ADCY2: variants seen among roughly 807,000 people sequenced by gnomAD.
ADCY2 encodes the protein adenylate cyclase type 2.
ADCY2 carries 31 observed loss-of-function variants against 125.2 expected under a neutral mutation model. The observed-to-expected ratio is 0.25, with a 90% CI of 0.19 to 0.33. The LOEUF is 0.33. Ranked by LOEUF, ADCY2 falls within the 10% of genes least tolerant of loss-of-function variation. The probability of loss-of-function intolerance (pLI) is 1.00; values close to 1 mark genes in which losing one functional copy is unlikely to be tolerated. For synonymous variants in ADCY2, 512 were observed against 548.4 expected, an observed-to-expected ratio of 0.93 and a Z score of 0.93; for missense variants, 904 against 1,418.2, an observed-to-expected ratio of 0.64 and a Z score of 5.82.
At chr5:7,756,111 A>G (rs1050941310) in intron 15 of ADCY2, among the ~76,000 whole-genome samples, 1 of 152,202 alleles carries the variant, frequency 6.6e-6, no homozygotes, top group Non-Finnish European at 1.5e-5. Context: ...TCCCTGGAGG[A>G]CTTTTACTTC....
intron 3 of ADCY2, among the ~76,000 whole-genome samples, chr5:7,591,785 T>G (rs780228636): frequency 3.3e-5 from 5 of 152,176 alleles, no homozygotes; most frequent in African/African-American, 7.2e-5. Flanking sequence ...CATTGGATAT[T>G]ATGCCTCTGA....
intron 12 of ADCY2, among the ~76,000 whole-genome samples, chr5:7,721,249 A>AT (rs1447909323): frequency 3.3e-5 from 5 of 151,506 alleles, no homozygotes; most frequent in East Asian, 1.9e-4. Context: ...GGGTTGTTTG[A>AT]TTTTTTCTTG....
intron 2 of ADCY2, among the ~76,000 whole-genome samples, chr5:7,459,888 G>A (rs1446616379): frequency 4.3e-5 from 6 of 138,708 alleles, no homozygotes; most frequent in Admixed American, 2.4e-4. Flanking sequence ...CCGGGTTCAC[G>A]CTATTCTTCT....
At chr5:7,505,145 A>C (rs986628079) in intron 2 of ADCY2, among the ~76,000 whole-genome samples, 2 of 152,082 alleles carry the variant, frequency 1.3e-5, no homozygotes, top group African/African-American at 4.8e-5. Context: ...TGGCCTCCCA[A>C]AGTGCTAGGA....
At chr5:7,536,820 G>T (rs1469969208) in intron 3 of ADCY2, among the ~76,000 whole-genome samples, 1 of 150,290 alleles carries the variant, frequency 6.7e-6, no homozygotes, top group African/African-American at 2.5e-5. Context: ...ACCGGGGCTT[G>T]TCAGGGGGTG....
intron 4 of ADCY2, among the ~76,000 whole-genome samples, chr5:7,677,171 G>A (rs1162144202): frequency 4.6e-5 from 7 of 152,152 alleles, no homozygotes; most frequent in South Asian, 2.1e-4. Flanking sequence ...TCAGCTACTC[G>A]GGAGGCTGAG....
chr5:7,765,156 GT>G (rs1369209810), intron 16 of ADCY2, among the ~76,000 whole-genome samples: 1 of 152,078 alleles, frequency 6.6e-6, no homozygotes, highest in Non-Finnish European at 1.5e-5. Flanking sequence ...ATTTTACCTA[GT>G]TTTTTGCCTA....
At chr5:7,620,401 C>T (rs1352544155) in intron 3 of ADCY2, among the ~76,000 whole-genome samples, 3 of 152,126 alleles carry the variant, frequency 2.0e-5, no homozygotes, top group African/African-American at 4.8e-5. Context: ...TTATACCTTC[C>T]TGTCTCACTC....
At position 7,626,255 on chromosome 5, in the gene ADCY2, A is replaced by T; in HGVS notation, c.659A>T (p.Tyr220Phe). The change falls in exon 4 of 25, where the codon TAT becomes TTT. Residue 220 changes from tyrosine to phenylalanine, a missense_variant. By Grantham distance (22) the Tyr-to-Phe change is conservative. This residue lies in a region of ADCY2 where 117 missense variants were observed against 248.0 expected (regional missense o/e 0.47). Transcript: ENST00000338316. ...ATGGAACTCGCTCTTCAGCAAACAT[A>T]TCAGGACACCTGTAATTGCATCAAG... ...HLMELALQQT[Y>F]QDTCNCIKSR... 6.2e-7 allele frequency: 1 copy of T among 1,614,152 alleles called. No individual in the cohort carries two copies. The highest frequency in any genetic ancestry group is 1.1e-5 in the South Asian group (1 of 91,082).
At chr5:7,402,986 TACCC>T in intron 1 of ADCY2, among the ~76,000 whole-genome samples, 1 of 152,322 alleles carries the variant, frequency 6.6e-6, no homozygotes, top group South Asian at 2.1e-4. Flanking sequence ...TTATGATTTC[TACCC>T]ATTTATATCA....
chr5:7,454,561 A>G (rs1396294638), intron 2 of ADCY2, among the ~76,000 whole-genome samples: 2 of 152,174 alleles, frequency 1.3e-5, no homozygotes, highest in African/African-American at 4.8e-5. Flanking sequence ...TTCTTTTTTC[A>G]TATAATCTGG....
At chr5:7,474,344 G>A (rs1742443221) in intron 2 of ADCY2, among the ~76,000 whole-genome samples, 1 of 152,132 alleles carries the variant, frequency 6.6e-6, no homozygotes, top group Non-Finnish European at 1.5e-5. Context: ...AAACATATAA[G>A]AAAATAAAGC....
At chr5:7,805,988 A>G (rs1158175036) in intron 22 of ADCY2, among the ~76,000 whole-genome samples, 4 of 152,194 alleles carry the variant, frequency 2.6e-5, no homozygotes, top group African/African-American at 9.7e-5. Flanking sequence ...ACAAGCCATA[A>G]AAGAAACCCC....
intron 4 of ADCY2, among the ~76,000 whole-genome samples, chr5:7,675,240 C>T (rs562449396): frequency 6.6e-6 from 1 of 151,978 alleles, no homozygotes; most frequent in South Asian, 2.1e-4. Context: ...TCTACCCAAT[C>T]GTTTTAATAT....
rs546500262 is a variant in ADCY2 at position 7,640,667 on chromosome 5, A to AT, written c.720+14361dup. Among the ~76,000 whole-genome samples the AT allele has an allele frequency of 4.3e-3, 646 of 150,154 alleles. 3 individuals are homozygous for AT. Among genetic ancestry groups the AT allele is most frequent in the African/African-American group, 0.013 (553 of 41,012 alleles). Reference sequence around the variant, plus strand: ...ACTGTCTTCTGCCTTTGGTAACATTATTTTTTTTTTCATTTAATTGGGAAA... The same window carrying AT: ...ACTGTCTTCTGCCTTTGGTAACATTATTTTTTTTTTTCATTTAATTGGGAAA... On this transcript the variant is annotated intron_variant, in intron 4 of 24. Transcript: ENST00000338316.
rs75852949 is a variant in ADCY2 at position 7,546,282 on chromosome 5, G to A, written c.570+25383G>A. On this transcript the variant is annotated intron_variant, in intron 3 of 24. Transcript: ENST00000338316. ...GAGTTGGCTTTGAATGAATGGTAAC[G>A]CATGACTAAATACATCGATGATAAT... Among the ~76,000 whole-genome samples the A allele has an allele frequency of 1.4e-3, 209 of 152,278 alleles. 4 individuals carry two copies. The East Asian group carries it at 0.032, about 24-fold the overall frequency.
At position 7,761,143 on chromosome 5, in the gene ADCY2, C is replaced by CTTTTT. The variant is rs1482654809; in HGVS notation, c.2094+3561_2094+3562insTTTTT. On this transcript the variant is annotated intron_variant, in intron 16 of 24. Coordinates refer to ENST00000338316, the MANE Select transcript of ADCY2 (RefSeq NM_020546.3). ...TGTGTATCAAAATTTCTTTTCTTTTCTTTTCTTTTTTTTTTTTTTTTTTTG... is the reference window on the plus strand; with the variant it reads ...TGTGTATCAAAATTTCTTTTCTTTTCTTTTTTTTTCTTTTTTTTTTTTTTTTTTTG... Among the ~76,000 whole-genome samples the CTTTTT allele has an allele frequency of 3.4e-3, 217 of 64,418 alleles. 3 individuals carry two copies. The highest frequency in any genetic ancestry group is 0.011 in the African/African-American group (181 of 17,216). The allele number at this position is 64,418 out of a possible 152,430, so 42.3% of individuals were successfully genotyped here.
At chr5:7,409,864 A>G (rs944534770) in intron 1 of ADCY2, among the ~76,000 whole-genome samples, 9 of 152,152 alleles carry the variant, frequency 5.9e-5, no homozygotes, top group African/African-American at 2.2e-4. Context: ...TATTAGTTTT[A>G]TAGATGTTTA....
At chr5:7,739,779 A>G (rs546277982) in intron 14 of ADCY2, among the ~76,000 whole-genome samples, 1 of 152,084 alleles carries the variant, frequency 6.6e-6, no homozygotes, top group African/African-American at 2.4e-5. Flanking sequence ...ATATATATGA[A>G]ATGCCATAAA....
Sources: gnomAD v4.1 joint callset for allele counts (sites outside exome capture counted in the v4.1 genomes callset) on GRCh38, gnomAD v4.1.1 for gene constraint, gnomAD v4.1.1 regional missense constraint, MANE v1.5 for transcripts, NCBI Gene and HGNC (gene_info 2026-07-23, HGNC 2026-07-21) for gene names.